Variants in GOLM1 observed in about 807,000 individuals in gnomAD.
GOLM1 encodes the protein epididymis luminal protein 46.
GOLM1 carries 31 observed loss-of-function variants against 50.5 expected under a neutral mutation model. The observed-to-expected ratio is 0.61, with a 90% CI of 0.46 to 0.83. The LOEUF (loss-of-function observed/expected upper bound fraction) is 0.83, where lower values mean the gene tolerates loss of function less well. GOLM1 is among the 40% of genes least tolerant of loss of function. The pLI is 0.00. For missense variants in GOLM1, 491 were observed against 501.3 expected (o/e 0.98, Z 0.20); for synonymous variants, 178 against 192.8 (o/e 0.92, Z 0.64).
At chr9:86,088,333 CTTCT>C (rs966972923) in intron 1 of GOLM1, among the ~76,000 whole-genome samples, 7 of 146,848 alleles carry the variant, frequency 4.8e-5, no homozygotes, top group African/African-American at 1.5e-4. Context: ...TCTCTCTTTT[CTTCT>C]TTATTAGTCT....
chr9:86,027,730 T>C lies in GOLM1; in HGVS notation c.*87A>G. ...TCAGATGTACATTTTATTTAGTACA[T>C]TTCACAGTTTTCAGTATTCAGTCCC... On this transcript the variant is annotated 3_prime_UTR_variant, in exon 10 of 10. Coordinates refer to ENST00000388712, the MANE Select transcript of GOLM1 (RefSeq NM_016548.4). The C allele has an allele frequency of 6.6e-7, 1 of 1,518,040 alleles. No individual in the cohort carries two copies. The highest frequency in any genetic ancestry group is 8.8e-7 in the Non-Finnish European group (1 of 1,133,100). 94.0% of individuals were successfully genotyped at this position (1,518,040 alleles called of 1,614,324 possible). A position where few individuals can be genotyped will look rare whatever the true frequency, so the allele number is the denominator to read the frequency against.
chr9:86,079,182 A>AACATAACAATAAAGAAT lies in GOLM1; in HGVS notation c.129+9_129+10insATTCTTTATTGTTATGT. On this transcript the variant is annotated intron_variant, in intron 2 of 9. Transcript: ENST00000388712. ...ATAAAATAAACATAACAATAAAGAA[A>AACATAACAATAAAGAAT]ACAAAACACCTGGAGGTCCACGCTC... 1.3e-6 allele frequency: 2 copies of AACATAACAATAAAGAAT among 1,528,746 alleles called. No individual in the cohort carries two copies. The highest frequency in any genetic ancestry group is 4.7e-5 in the Admixed American group (2 of 42,854). The allele number at this position is 1,528,746 out of a possible 1,614,324, so 94.7% of individuals were successfully genotyped here. A position where few individuals can be genotyped will look rare whatever the true frequency, so the allele number is the denominator to read the frequency against.
intron 3 of GOLM1, among the ~76,000 whole-genome samples, chr9:86,054,405 G>T (rs1247389650): frequency 6.6e-6 from 1 of 152,012 alleles, no homozygotes; most frequent in Non-Finnish European, 1.5e-5. Context: ...GTAGCTGGGA[G>T]TAGAGATGGG....
At chr9:86,049,542 T>G (rs1481551907) in intron 4 of GOLM1, among the ~76,000 whole-genome samples, 1 of 152,322 alleles carries the variant, frequency 6.6e-6, no homozygotes, top group Admixed American at 6.5e-5. Context: ...CCTCTTTTAT[T>G]TCATTGAGCA....
intron 1 of GOLM1, among the ~76,000 whole-genome samples, chr9:86,093,003 T>C (rs1250500314): frequency 6.6e-6 from 1 of 152,216 alleles, no homozygotes; most frequent in Non-Finnish European, 1.5e-5. Flanking sequence ...ATACTGAAAA[T>C]GATTAACTTA....
intron 3 of GOLM1, among the ~76,000 whole-genome samples, chr9:86,064,399 G>A (rs1047802533): frequency 1.3e-5 from 2 of 152,028 alleles, no homozygotes; most frequent in African/African-American, 4.8e-5. Flanking sequence ...CATCTGTCAC[G>A]GGGCCTGTTG....
At chr9:86,094,005 A>G (rs891324612) in intron 1 of GOLM1, among the ~76,000 whole-genome samples, 2 of 152,214 alleles carry the variant, frequency 1.3e-5, no homozygotes, top group Non-Finnish European at 2.9e-5. Flanking sequence ...AGTCACTGCA[A>G]TGAGCAAACA....
rs371086274 is a variant in GOLM1 at position 86,032,369 on chromosome 9, G to A, written c.1129+913C>T. Among the ~76,000 whole-genome samples, 255 of 152,160 alleles carry A rather than the reference G, an allele frequency of 1.7e-3. 1 individual carries two copies. Among genetic ancestry groups the A allele is most frequent in the African/African-American group, 3.9e-3 (161 of 41,516 alleles). On this transcript the variant is annotated intron_variant, in intron 9 of 9. Transcript: ENST00000388712. ...TTTTTAGTAGAGACGGGGTTTCACC[G>A]TGTTAGCCAGGATGGTCTCAATCTC...
chr9:86,067,304 A>C (rs1243854775), intron 3 of GOLM1, among the ~76,000 whole-genome samples: 2 of 152,242 alleles, frequency 1.3e-5, no homozygotes, highest in African/African-American at 4.8e-5. Flanking sequence ...TTAGGAGAGA[A>C]TGCACACCTT....
At chr9:86,041,208 T>C (rs1232130159) in intron 5 of GOLM1, among the ~76,000 whole-genome samples, 1 of 152,214 alleles carries the variant, frequency 6.6e-6, no homozygotes, top group Non-Finnish European at 1.5e-5. Flanking sequence ...TGGAAGTTCC[T>C]GAGTGGATAT....
At chr9:86,058,461 C>T (rs1834053004) in intron 3 of GOLM1, among the ~76,000 whole-genome samples, 2 of 152,106 alleles carry the variant, frequency 1.3e-5, no homozygotes, top group South Asian at 2.1e-4. Context: ...GTAATCCCAG[C>T]ACTTTGGGAG....
At chr9:86,096,570 C>G (rs1269550525) in intron 1 of GOLM1, among the ~76,000 whole-genome samples, 1 of 152,210 alleles carries the variant, frequency 6.6e-6, no homozygotes, top group Non-Finnish European at 1.5e-5. Flanking sequence ...AAACACAGGA[C>G]AGCAAAATAC....
chr9:86,074,888 T>TTCA (rs1834566672), intron 3 of GOLM1, among the ~76,000 whole-genome samples: 1 of 152,138 alleles, frequency 6.6e-6, no homozygotes, highest in South Asian at 2.1e-4. Flanking sequence ...CTAGCACAAT[T>TTCA]TGGTTTCATG....
chr9:86,076,196 A>T (rs1244300249), intron 3 of GOLM1, among the ~76,000 whole-genome samples: 1 of 152,052 alleles, frequency 6.6e-6, no homozygotes, highest in Non-Finnish European at 1.5e-5. Context: ...AGACGGGTAC[A>T]TCACCTGAGG....
chr9:86,041,889 C>T (rs1322141126), intron 5 of GOLM1, among the ~76,000 whole-genome samples: 5 of 152,182 alleles, frequency 3.3e-5, no homozygotes, highest in East Asian at 3.9e-4. Context: ...GAGGCTGAGG[C>T]GGTGGATCAC....
Position 86,027,319 on chromosome 9 carries a change from G to C in GOLM1, c.*498C>G. The C allele has an allele frequency of 1.0e-6, 1 of 986,096 alleles. No homozygotes were observed. Among genetic ancestry groups the C allele is most frequent in the Non-Finnish European group, 1.2e-6 (1 of 830,430 alleles). The allele number at this position is 986,096 out of a possible 1,614,324, so 61.1% of individuals were successfully genotyped here. ...GCTCTAGGCCATTGATTGATTGATT[G>C]TCAGAATCAGAAGTGACTACACAAG... On this transcript the variant is annotated 3_prime_UTR_variant, in exon 10 of 10. Coordinates refer to ENST00000388712, the MANE Select transcript of GOLM1 (RefSeq NM_016548.4).
intron 1 of GOLM1, among the ~76,000 whole-genome samples, chr9:86,082,727 A>G (rs1834824088): frequency 6.6e-6 from 1 of 152,248 alleles, no homozygotes; most frequent in Admixed American, 6.5e-5. Flanking sequence ...GGCGTGAGCC[A>G]TCACACCTGG....
Position 86,028,670 on chromosome 9 carries a change from C to CCA in GOLM1, c.1130-779_1130-778dup, listed in dbSNP as rs200548698. Among the ~76,000 whole-genome samples the CCA allele has an allele frequency of 9.3e-3, 1,415 of 152,222 alleles. 14 individuals carry two copies. The highest frequency in any genetic ancestry group is 0.033 in the African/African-American group (1,353 of 41,524). On this transcript the variant is annotated intron_variant, in intron 9 of 9. Coordinates refer to ENST00000388712, the MANE Select transcript of GOLM1 (RefSeq NM_016548.4). ...TGAAAGAACGCACTGCAACACACAC[C>CCA]CAGTGGGGCTCCAGGAGCTGTAACC... is the stretch of plus-strand genomic sequence containing the variant.
At chr9:86,028,141 G>C (rs1235775037) in intron 9 of GOLM1, among the ~76,000 whole-genome samples, 1 of 152,092 alleles carries the variant, frequency 6.6e-6, no homozygotes, top group Non-Finnish European at 1.5e-5. Context: ...TCAGGCTTGT[G>C]CCCATGGACC....
Sources: allele counts gnomAD v4.1 joint callset (sites outside exome capture counted in the v4.1 genomes callset), GRCh38; gene constraint gnomAD v4.1.1; transcripts MANE v1.5; gene names NCBI Gene and HGNC (gene_info 2026-07-23, HGNC 2026-07-21).